The following CYP20A1 variants were observed in gnomAD, a reference collection of about 807,000 sequenced individuals.
CYP20A1 encodes cytochrome P450 family 20 subfamily A member 1, also known as cytochrome P450 20A1.
CYP20A1 carries 61 observed loss-of-function variants against 61.4 expected under a neutral mutation model. That is an observed-to-expected ratio of 0.99 (90% CI 0.81 to 1.23). The LOEUF (loss-of-function observed/expected upper bound fraction) is 1.23, where lower values mean the gene tolerates loss of function less well. Among genes scored for constraint, CYP20A1 ranks in the 50% most tolerant of loss-of-function variants. The pLI, the probability that CYP20A1 is intolerant of heterozygous loss-of-function variation, is 0.00. For missense variants in CYP20A1, 530 were observed against 542.4 expected (o/e 0.98, Z 0.23); for synonymous variants, 193 against 188.2 (o/e 1.03, Z -0.21).
At chr2:203,293,529 T>G (rs1311453906) in intron 11 of CYP20A1, among the ~76,000 whole-genome samples, 1 of 149,168 alleles carries the variant, frequency 6.7e-6, no homozygotes, top group Non-Finnish European at 1.5e-5. Context: ...TTTTCCCCAG[T>G]GCATTTTTCT....
chr2:203,301,789 A>G lies in CYP20A1; in HGVS notation c.*4881A>G, dbSNP rs907415515. On this transcript the variant is annotated 3_prime_UTR_variant, in exon 13 of 13. Transcript: ENST00000356079. ...GTTTATCTTAAAATAGTTTGTATAAAAAGTCTTTACTGCTTTATTATGAAA... is the reference window on the plus strand; with the variant it reads ...GTTTATCTTAAAATAGTTTGTATAAGAAGTCTTTACTGCTTTATTATGAAA... Among the ~76,000 whole-genome samples the G allele has an allele frequency of 6.6e-6, 1 of 152,172 alleles. No homozygotes were observed. The highest frequency in any genetic ancestry group is 1.5e-5 in the Non-Finnish European group (1 of 68,040).
At chr2:203,294,941 A>ATTTTTTTTTTTTTTTT (rs1167546590) in intron 11 of CYP20A1, among the ~76,000 whole-genome samples, 2 of 45,470 alleles carry the variant, frequency 4.4e-5, no homozygotes, top group South Asian at 9.6e-4. Flanking sequence ...CTTTAAAAAA[A>ATTTTTTTTTTTTTTTT]TTTTTTTTTT....
At chr2:203,291,362 C>T (rs554834218) in intron 10 of CYP20A1, among the ~76,000 whole-genome samples, 1 of 152,308 alleles carries the variant, frequency 6.6e-6, no homozygotes, top group East Asian at 1.9e-4. Context: ...TTAAAATGTT[C>T]TCTAAAAGGC....
At chr2:203,281,369 T>A (rs995728953) in intron 8 of CYP20A1, among the ~76,000 whole-genome samples, 2 of 152,016 alleles carry the variant, frequency 1.3e-5, no homozygotes, top group East Asian at 3.9e-4. Context: ...TAGCCAGGCC[T>A]GGTGGCACAC....
In CYP20A1 at chr2:203,297,590, C is replaced by T. The variant is rs2068856894; in HGVS notation, c.*682C>T. 6.6e-6 allele frequency: 1 copy of T among 152,070 alleles called. No individual in the cohort carries two copies. The highest frequency in any genetic ancestry group is 2.4e-5 in the African/African-American group (1 of 41,358). 9.4% of individuals were successfully genotyped at this position (152,070 alleles called of 1,614,324 possible). A position where few individuals can be genotyped will look rare whatever the true frequency, so the allele number is the denominator to read the frequency against. On this transcript the variant is annotated 3_prime_UTR_variant, in exon 13 of 13. Transcript: ENST00000356079. Reference sequence around the variant, plus strand: ...GGTGTGGTGGCCCACACCTGTAATCCCAGCACTTTGGGAGGTCGAGGCGGG... The same window carrying T: ...GGTGTGGTGGCCCACACCTGTAATCTCAGCACTTTGGGAGGTCGAGGCGGG...
rs531837325 is a variant in CYP20A1 at position 203,288,254 on chromosome 2, C to T, written c.972-1511C>T. ...CTATTTTTTGTATTTTTAGTAGACA[C>T]AGGGTTTTACCATGTTGGCCAGGCT... On this transcript the variant is annotated intron_variant, in intron 9 of 12. Transcript: ENST00000356079. 6.6e-5 allele frequency among the ~76,000 whole-genome samples: 10 copies of T among 151,492 alleles called. No individual in the cohort carries two copies. The East Asian group carries it at 1.8e-3, about 27-fold the overall frequency.
rs1208402353 is a variant in CYP20A1, at chr2:203,304,958, CAT to C, written c.*8054_*8055del. ...AATAAATAAATAAATACATGTTAAA[CAT>C]ATACCTTTATTACTTCATTTTTGTA... On this transcript the variant is annotated 3_prime_UTR_variant, in exon 13 of 13. Coordinates refer to ENST00000356079, the MANE Select transcript of CYP20A1 (RefSeq NM_177538.3). Among the ~76,000 whole-genome samples, 1 of 152,024 alleles carries C rather than the reference CAT, an allele frequency of 6.6e-6. No homozygotes were observed. Among genetic ancestry groups the C allele is most frequent in the Non-Finnish European group, 1.5e-5 (1 of 68,006 alleles).
intron 10 of CYP20A1, among the ~76,000 whole-genome samples, chr2:203,290,996 T>C (rs1470342260): frequency 1.3e-5 from 2 of 152,174 alleles, no homozygotes; most frequent in Admixed American, 6.6e-5. Context: ...TGACATTATT[T>C]TTTTTAATTA....
chr2:203,287,590 C>A (rs923032428), intron 9 of CYP20A1, among the ~76,000 whole-genome samples: 1 of 152,112 alleles, frequency 6.6e-6, no homozygotes, highest in African/African-American at 2.4e-5. Flanking sequence ...CCTATGGTTA[C>A]AACTACTAGG....
chr2:203,270,100 C>G (rs1013059026), intron 5 of CYP20A1, among the ~76,000 whole-genome samples: 3 of 151,108 alleles, frequency 2.0e-5, no homozygotes. Context: ...AAAAAAAAAA[C>G]GACAGGAAAA....
intron 3 of CYP20A1, among the ~76,000 whole-genome samples, chr2:203,250,920 C>G (rs949386101): frequency 1.3e-5 from 2 of 151,614 alleles, no homozygotes; most frequent in African/African-American, 4.8e-5. Flanking sequence ...AAAAATTAGC[C>G]GGGCATGCTG....
chr2:203,245,609 C>T (rs2066435552), intron 1 of CYP20A1, among the ~76,000 whole-genome samples: 1 of 152,040 alleles, frequency 6.6e-6, no homozygotes, highest in South Asian at 2.1e-4. Flanking sequence ...TTTTCTGTAC[C>T]TGTGTTAGTT....
At chr2:203,295,237 G>T (rs144119883) in intron 11 of CYP20A1, among the ~76,000 whole-genome samples, 2,629 of 151,784 alleles carry the variant, frequency 0.017, 32 homozygotes, top group Middle Eastern at 0.041. Context: ...GAGCCACCGC[G>T]CCTGGCCAAA....
rs1323215605 is a variant in CYP20A1, at chr2:203,304,602, C to T, written c.*7694C>T. Among the ~76,000 whole-genome samples, 3 of 152,122 alleles carry T rather than the reference C, an allele frequency of 2.0e-5. No individual in the cohort carries two copies. Among genetic ancestry groups the T allele is most frequent in the Middle Eastern group, 3.2e-3 (1 of 316 alleles). ...CACATACATACATTTTTACATAGTACGTTCATTGCAGCATGAGTTACTTTT... is the reference window on the plus strand; with the variant it reads ...CACATACATACATTTTTACATAGTATGTTCATTGCAGCATGAGTTACTTTT... On this transcript the variant is annotated 3_prime_UTR_variant, in exon 13 of 13. Transcript: ENST00000356079.
In CYP20A1 at chr2:203,244,120, C is replaced by A. The variant is rs180726828; in HGVS notation, c.73-1726C>A. 5.3e-5 allele frequency among the ~76,000 whole-genome samples: 8 copies of A among 151,186 alleles called. No individual in the cohort carries two copies. The East Asian group carries it at 1.5e-3, about 29-fold the overall frequency. On this transcript the variant is annotated intron_variant, in intron 1 of 12. Coordinates refer to ENST00000356079, the MANE Select transcript of CYP20A1 (RefSeq NM_177538.3). Reference sequence around the variant, plus strand: ...AACTGGCTATGCTCCCAATTAAATGCCCCCGCCCCCCGTCTCTTCACTCCT... The same window carrying A: ...AACTGGCTATGCTCCCAATTAAATGACCCCGCCCCCCGTCTCTTCACTCCT...
chr2:203,251,850 A>AAATTATG, intron 3 of CYP20A1, 117 bp from the exon 4 acceptor site: 1 of 423,566 alleles, frequency 2.4e-6, no homozygotes. Flanking sequence ...GGAATTATGA[A>AAATTATG]AAACAGTTGC....
At chr2:203,243,399 C>T (rs77727972) in intron 1 of CYP20A1, among the ~76,000 whole-genome samples, 3 of 137,140 alleles carry the variant, frequency 2.2e-5, no homozygotes, top group East Asian at 2.2e-4. Flanking sequence ...TCGCCTCTTT[C>T]TTTTTTTTTT....
rs1465630193 is a variant in CYP20A1, at chr2:203,305,674, C to T, written c.*8766C>T. 1 of 152,096 alleles carries T rather than the reference C, an allele frequency of 6.6e-6. No individual in the cohort carries two copies. The highest frequency in any genetic ancestry group is 1.9e-4 in the East Asian group (1 of 5,196). 9.4% of individuals were successfully genotyped at this position (152,096 alleles called of 1,614,324 possible). A position where few individuals can be genotyped will look rare whatever the true frequency, so the allele number is the denominator to read the frequency against. On this transcript the variant is annotated 3_prime_UTR_variant, in exon 13 of 13. Transcript: ENST00000356079. Reference sequence around the variant, plus strand: ...AAAATACTTATTTTAATTTTAAACACTTGATGGTATGAAATGAAATTTTGT... The same window carrying T: ...AAAATACTTATTTTAATTTTAAACATTTGATGGTATGAAATGAAATTTTGT...
chr2:203,266,790 GC>G (rs2067341072), intron 5 of CYP20A1, 109 bp downstream of exon 5: 3 of 870,506 alleles, frequency 3.4e-6, no homozygotes, highest in South Asian at 3.2e-5. Flanking sequence ...AGACCAGCCT[GC>G]CCCACATGGT....
Sources: gnomAD v4.1 joint callset for allele counts (sites outside exome capture counted in the v4.1 genomes callset) on GRCh38, gnomAD v4.1.1 for gene constraint, MANE v1.5 for transcripts, NCBI Gene and HGNC (gene_info 2026-07-23, HGNC 2026-07-21) for gene names.